WNK2: variants seen among roughly 807,000 people sequenced by gnomAD.
The protein encoded by WNK2 is serine/threonine-protein kinase WNK2.
Under a neutral mutation model 192.1 loss-of-function variants are expected in WNK2, and 67 were observed. That is an observed-to-expected ratio of 0.35 (90% CI 0.29 to 0.43). The LOEUF (loss-of-function observed/expected upper bound fraction) is 0.43. Among genes scored for constraint, WNK2 ranks in the 20% least tolerant of loss-of-function variants. The pLI is 1.00. For missense variants in WNK2, 2,698 were observed against 3,089.7 expected, an observed-to-expected ratio of 0.87 and a Z score of 3.01; for synonymous variants, 1,439 against 1,393.9, an observed-to-expected ratio of 1.03 and a Z score of -0.72.
chr9:93,268,832 G>A (rs554181062), intron 19 of WNK2, 86 bp downstream of exon 19: 16 of 1,577,860 alleles, frequency 1.0e-5, no homozygotes, highest in East Asian at 7.1e-5. Context: ...TATGTGCCCC[G>A]TGCCCAGGTC....
rs756105575 is a variant in WNK2, at chr9:93,318,060, A to G, written c.6628+429A>G. ...TGGTCCACGCGCCGTCTCCACACCC[A>G]CTTCCTATACTTGAGTTGATGGTTA... On this transcript the variant is annotated intron_variant, in intron 29 of 29. Coordinates refer to ENST00000427277, the MANE Select transcript of WNK2 (RefSeq NM_006648.4). 26 of 1,610,296 alleles carry G rather than the reference A, an allele frequency of 1.6e-5. No homozygotes were observed. In the African/African-American group the frequency reaches 3.3e-4, roughly 21 times the overall value.
intron 2 of WNK2, among the ~76,000 whole-genome samples, chr9:93,211,364 A>G (rs1456222571): frequency 1.4e-5 from 2 of 144,012 alleles, no homozygotes; most frequent in African/African-American, 5.2e-5. Context: ...CTACTCACTC[A>G]TCACTCACTC....
At chr9:93,216,804 G>A (rs938961055) in intron 2 of WNK2, among the ~76,000 whole-genome samples, 7 of 73,968 alleles carry the variant, frequency 9.5e-5, no homozygotes, top group African/African-American at 3.1e-4. Flanking sequence ...AGTGAGACTC[G>A]GTCTCAAAAC....
At chr9:93,237,181 G>A (rs1052220478) in intron 5 of WNK2, among the ~76,000 whole-genome samples, 8 of 152,308 alleles carry the variant, frequency 5.3e-5, no homozygotes, top group African/African-American at 9.6e-5. Context: ...TTCCCAGCTC[G>A]GCTTTATCTC....
intron 26 of WNK2, among the ~76,000 whole-genome samples, chr9:93,305,705 T>C (rs1024362580): frequency 4.6e-5 from 7 of 152,226 alleles, no homozygotes; most frequent in Admixed American, 2.0e-4. Context: ...TGAGCCCTTC[T>C]GGAGAAGGAA....
chr9:93,311,907 A>G (rs2134343913), intron 28 of WNK2, among the ~76,000 whole-genome samples: 2 of 151,996 alleles, frequency 1.3e-5, no homozygotes, highest in Admixed American at 1.3e-4. Context: ...GGCGTGAGCC[A>G]CCGTGCGCCA....
Position 93,268,523 on chromosome 9 carries a change from A to T in WNK2, c.3914-104A>T. Reference sequence around the variant, plus strand: ...GGAGAAAATCCCATAGGTGTAAAGGAGTTCACAGACCCACTGTGGCAAGTC... The same window carrying T: ...GGAGAAAATCCCATAGGTGTAAAGGTGTTCACAGACCCACTGTGGCAAGTC... On this transcript the variant is annotated intron_variant, in intron 18 of 29. Coordinates refer to ENST00000427277, the MANE Select transcript of WNK2 (RefSeq NM_006648.4). 2.0e-6 allele frequency: 3 copies of T among 1,508,618 alleles called. No individual in the cohort carries two copies. The South Asian group carries it at 3.6e-5, about 18-fold the overall frequency. The allele number at this position is 1,508,618 out of a possible 1,614,324, so 93.5% of individuals were successfully genotyped here.
chr9:93,246,952 C>T (rs375413959), intron 7 of WNK2, among the ~76,000 whole-genome samples: 2 of 152,346 alleles, frequency 1.3e-5, no homozygotes, highest in East Asian at 1.9e-4. Flanking sequence ...ATATTCTTGG[C>T]GAGCTCATGA....
At position 93,264,012 on chromosome 9, in the gene WNK2, C is replaced by A; in HGVS notation, c.3675C>A (p.Pro1225=). 1 of 1,613,016 alleles carries A rather than the reference C, an allele frequency of 6.2e-7. No homozygotes were observed. The highest frequency in any genetic ancestry group is 8.5e-7 in the Non-Finnish European group (1 of 1,179,580). Reference sequence around the variant, plus strand: ...AGTTCGACTTGGACGGGGACGCACCCGATGAAATTGCCACGTATATGGTGA... The same window carrying A: ...AGTTCGACTTGGACGGGGACGCACCAGATGAAATTGCCACGTATATGGTGA... The part of the protein sequence containing the change: ...TFKFDLDGDA[P]DEIATYMVEH... The change falls in exon 16 of 30, where the codon CCC becomes CCA. Residue 1225 remains proline, a synonymous_variant. Transcript: ENST00000427277.
chr9:93,198,741 C>T (rs759988347), intron 2 of WNK2, among the ~76,000 whole-genome samples: 10 of 152,302 alleles, frequency 6.6e-5, no homozygotes, highest in East Asian at 3.9e-4. Flanking sequence ...ATAGCGTCTG[C>T]GCTGATATGT....
At chr9:93,275,038 C>T (rs1254403599) in intron 19 of WNK2, among the ~76,000 whole-genome samples, 3 of 141,480 alleles carry the variant, frequency 2.1e-5, no homozygotes, top group Non-Finnish European at 4.6e-5. Context: ...AAAATATTAG[C>T]AAGTCAAATT....
intron 16 of WNK2, among the ~76,000 whole-genome samples, chr9:93,265,263 T>C (rs900244607): frequency 6.6e-6 from 1 of 152,140 alleles, no homozygotes; most frequent in African/African-American, 2.4e-5. Context: ...AGTGTGGTGA[T>C]GGGTGGCTGG....
At position 93,202,422 on chromosome 9, in the gene WNK2, G is replaced by A. The variant is rs1048918128; in HGVS notation, c.681+16812G>A. Among the ~76,000 whole-genome samples, 40 of 152,050 alleles carry A rather than the reference G, an allele frequency of 2.6e-4. 1 individual carries two copies. Among genetic ancestry groups the A allele is most frequent in the Admixed American group, 2.4e-3 (37 of 15,272 alleles). On this transcript the variant is annotated intron_variant, in intron 2 of 29. Coordinates refer to ENST00000427277, the MANE Select transcript of WNK2 (RefSeq NM_006648.4). ...AATGGCCTGCCCCTCCGGCGCTTCC[G>A]TGGGAATGAGGAGCCCTTTGAGTTG...
intron 2 of WNK2, among the ~76,000 whole-genome samples, chr9:93,190,046 T>TGGG (rs1221604648): frequency 6.6e-6 from 1 of 152,196 alleles, no homozygotes; most frequent in Non-Finnish European, 1.5e-5. Flanking sequence ...TTAATTTTAT[T>TGGG]GGGAGAGTTG....
chr9:93,255,190 G>T (rs1371154934), intron 9 of WNK2, among the ~76,000 whole-genome samples: 2 of 152,188 alleles, frequency 1.3e-5, no homozygotes, highest in African/African-American at 4.8e-5. Context: ...TGTGCTGAGG[G>T]CTCTCCCTAC....
intron 5 of WNK2, among the ~76,000 whole-genome samples, chr9:93,237,740 G>A (rs1840064920): frequency 6.6e-6 from 1 of 152,198 alleles, no homozygotes; most frequent in African/African-American, 2.4e-5. Flanking sequence ...GAATTGCCCT[G>A]CCTGCAGCTC....
At chr9:93,312,495 C>G (rs1853843109) in intron 28 of WNK2, among the ~76,000 whole-genome samples, 3 of 152,178 alleles carry the variant, frequency 2.0e-5, no homozygotes, top group Admixed American at 1.3e-4. Context: ...CTGCCTCAGC[C>G]TCCCAAGTAG....
intron 16 of WNK2, among the ~76,000 whole-genome samples, chr9:93,264,755 C>A (rs1844886309): frequency 6.6e-6 from 1 of 152,238 alleles, no homozygotes; most frequent in South Asian, 2.1e-4. Context: ...TTTAGGGAGC[C>A]AGGTCCTAAA....
intron 21 of WNK2, among the ~76,000 whole-genome samples, chr9:93,291,544 A>G (rs1849353167): frequency 6.6e-6 from 1 of 152,162 alleles, no homozygotes; most frequent in Non-Finnish European, 1.5e-5. Flanking sequence ...GGGACACGTG[A>G]CAGGGACTGG....
Sources: allele counts gnomAD v4.1 joint callset (sites outside exome capture counted in the v4.1 genomes callset), GRCh38; gene constraint gnomAD v4.1.1; transcripts MANE v1.5; gene names NCBI Gene and HGNC (gene_info 2026-07-23, HGNC 2026-07-21).